The following GOLGA6D variants were observed in gnomAD, a reference collection of about 807,000 sequenced individuals.
GOLGA6D encodes golgin A6 family member D, also known as golgin subfamily A member 6D.
In GOLGA6D, 9 loss-of-function variants were observed where a neutral mutation model predicts 42.1. That is an observed-to-expected ratio of 0.21 (90% confidence interval 0.13 to 0.37). GOLGA6D has a LOEUF of 0.37. Ranked by LOEUF, GOLGA6D falls within the 10% of genes least tolerant of loss-of-function variation. The pLI, the probability that GOLGA6D is intolerant of heterozygous loss-of-function variation, is 1.00. For missense variants in GOLGA6D, 87 were observed against 420.8 expected (o/e 0.21, Z 6.94); for synonymous variants, 39 against 167.3 (o/e 0.23, Z 5.92).
At chr15:75,278,025 T>G (rs370196649), upstream of GOLGA6D, among the ~76,000 whole-genome samples, 1 of 117,854 alleles carries the variant, frequency 8.5e-6, no homozygotes, top group Non-Finnish European at 1.6e-5. Flanking sequence ...GGTCTGTCAC[T>G]TCCAAGCCCA....
At chr15:75,293,027 T>C in intron 13 of GOLGA6D, 46 bp from the exon 14 acceptor site, 1 of 1,384,490 alleles carries the variant, frequency 7.2e-7, no homozygotes. Context: ...CCACAGTACC[T>C]TCCTTGTTGG....
chr15:75,287,802 G>A (rs1334774704), intron 4 of GOLGA6D, 127 bp from the exon 5 acceptor site: 1 of 1,334,272 alleles, frequency 7.5e-7, no homozygotes, highest in East Asian at 2.3e-5. Context: ...CATCCCCACA[G>A]GGTCCCTGAT....
Position 75,288,748 on chromosome 15 carries a change from T to C in GOLGA6D, c.564+384T>C, listed in dbSNP as rs1205797687. 7.9e-5 allele frequency among the ~76,000 whole-genome samples: 11 copies of C among 138,560 alleles called. 2 individuals carry two copies. The highest frequency in any genetic ancestry group is 3.2e-4 in the African/African-American group (11 of 34,632). 90.9% of individuals were successfully genotyped at this position (138,560 alleles called of 152,430 possible). ...GTGTGTGTGTGTGTGTGTGTGTGTG[T>C]GTGTACTATGATAATATACAAAAAC... is the stretch of plus-strand genomic sequence containing the variant. On this transcript the variant is annotated intron_variant, in intron 7 of 17. Coordinates refer to ENST00000434739, the MANE Select transcript of GOLGA6D (RefSeq NM_001145224.3).
rs2070897494 is a variant in GOLGA6D, at chr15:75,294,700, T to G, written c.*225T>G. ...TTCTAATTTACCGTTTAAATTTATT[T>G]GTAAAAAGTTAAGGGAGAGTTGGTC... On this transcript the variant is annotated 3_prime_UTR_variant, in exon 18 of 18. Transcript: ENST00000434739. 2.2e-5 allele frequency: 14 copies of G among 648,406 alleles called. No individual in the cohort carries two copies. The highest frequency in any genetic ancestry group is 3.3e-5 in the Non-Finnish European group (14 of 427,538). 40.2% of individuals were successfully genotyped at this position (648,406 alleles called of 1,614,324 possible). A position where few individuals can be genotyped will look rare whatever the true frequency, so the allele number is the denominator to read the frequency against.
upstream of GOLGA6D, among the ~76,000 whole-genome samples, chr15:75,281,109 T>TAA (rs2141645181): frequency 1.6e-5 from 2 of 122,766 alleles, 1 homozygote; most frequent in Admixed American, 1.8e-4. Flanking sequence ...AGACACTTTT[T>TAA]AAAAAACTTG....
chr15:75,294,662 C>T lies in GOLGA6D; in HGVS notation c.*187C>T. The stretch of plus-strand genomic sequence containing the variant: ...TCCATTTGAATGCTAGAGCCACTCA[C>T]TTTTATTTGTGTTTCTAATTTACCG... On this transcript the variant is annotated 3_prime_UTR_variant, in exon 18 of 18. Transcript: ENST00000434739. 6.0e-6 allele frequency: 6 copies of T among 1,001,740 alleles called. No homozygotes were observed. The highest frequency in any genetic ancestry group is 8.2e-6 in the Non-Finnish European group (6 of 730,398). The allele number at this position is 1,001,740 out of a possible 1,614,324, so 62.1% of individuals were successfully genotyped here.
chr15:75,276,450 A>C, the GOLGA6D span, among the ~76,000 whole-genome samples: 1 of 145,940 alleles, frequency 6.9e-6, no homozygotes. Flanking sequence ...CCCCCTCCCT[A>C]AAGCCCACTG....
chr15:75,278,710 TGTCAATGGAG>T (rs1248528044), upstream of GOLGA6D, among the ~76,000 whole-genome samples: 68 of 151,880 alleles, frequency 4.5e-4, no homozygotes, highest in South Asian at 7.7e-3. Flanking sequence ...TGTTCAGCTT[TGTCAATGGAG>T]ACAGGATACT....
the GOLGA6D span, among the ~76,000 whole-genome samples, chr15:75,276,546 C>T: frequency 7.7e-6 from 1 of 130,494 alleles, no homozygotes. Context: ...GGCCAGGAGA[C>T]CAAAGCTTGA....
Position 75,294,395 on chromosome 15 carries a change from G to T in GOLGA6D, c.2002G>T (p.Val668Leu), listed in dbSNP as rs750932104. 3.1e-6 allele frequency: 5 copies of T among 1,599,096 alleles called. No individual in the cohort carries two copies. The East Asian group carries it at 1.1e-4, about 36-fold the overall frequency. The stretch of plus-strand genomic sequence containing the variant: ...CAACAACGTGGAGCCTGCACCAGGA[G>T]TGGCCAGGGAGGGTTCTCCCCATAA... ...LDNNVEPAPG[V>L]AREGSPHNNP... The change falls in exon 18 of 18, where the codon GTG becomes TTG. Residue 668 changes from valine (V) to leucine (L), a missense_variant. Physicochemically the swap from Val to Leu is conservative, Grantham distance 32. Coordinates refer to ENST00000434739, the MANE Select transcript of GOLGA6D (RefSeq NM_001145224.3).
Position 75,294,183 on chromosome 15 carries a change from G to C in GOLGA6D, c.1876G>C (p.Ala626Pro), listed in dbSNP as rs997044084. ...TGAGGGGCATGGCAAATTCCTCATC[G>C]CTGCCCAGAACCCTGCTGATGAGCC... is the stretch of plus-strand genomic sequence containing the variant. ...NHEGHGKFLI[A>P]AQNPADEPTP... The change falls in exon 17 of 18, where the codon GCT (alanine) becomes CCT (proline). Residue 626 changes from alanine to proline, a missense_variant. Transcript: ENST00000434739. 1.7e-6 allele frequency: 2 copies of C among 1,169,244 alleles called. No homozygotes were observed. The highest frequency in any genetic ancestry group is 2.3e-6 in the Non-Finnish European group (2 of 851,200). The allele number at this position is 1,169,244 out of a possible 1,614,324, so 72.4% of individuals were successfully genotyped here.
In GOLGA6D at chr15:75,295,507, A is replaced by T. The variant is rs1346690269; in HGVS notation, c.*1032A>T. The T allele has an allele frequency of 6.9e-6, 1 of 145,118 alleles. No individual in the cohort carries two copies. The highest frequency in any genetic ancestry group is 1.5e-5 in the Non-Finnish European group (1 of 67,056). The allele number at this position is 145,118 out of a possible 1,614,324, so 9.0% of individuals were successfully genotyped here. A position where few individuals can be genotyped will look rare whatever the true frequency, so the allele number is the denominator to read the frequency against. On this transcript the variant is annotated 3_prime_UTR_variant, in exon 18 of 18. Coordinates refer to ENST00000434739, the MANE Select transcript of GOLGA6D (RefSeq NM_001145224.3). ...ATCACATGAGTATATGTCCCAGTAC[A>T]CAAAAGGGCACTGGTTGGCATTCTT...
rs1213275217 is a variant in GOLGA6D, at chr15:75,295,514, G to T, written c.*1039G>T. The T allele has an allele frequency of 6.9e-6, 1 of 144,402 alleles. No individual in the cohort carries two copies. The highest frequency in any genetic ancestry group is 2.7e-5 in the African/African-American group (1 of 37,072). 8.9% of individuals were successfully genotyped at this position (144,402 alleles called of 1,614,324 possible). A position where few individuals can be genotyped will look rare whatever the true frequency, so the allele number is the denominator to read the frequency against. ...GAGTATATGTCCCAGTACACAAAAG[G>T]GCACTGGTTGGCATTCTTCTTAAGG... is the stretch of plus-strand genomic sequence containing the variant. On this transcript the variant is annotated 3_prime_UTR_variant, in exon 18 of 18. Coordinates refer to ENST00000434739, the MANE Select transcript of GOLGA6D (RefSeq NM_001145224.3).
chr15:75,277,861 A>G (rs530928244), upstream of GOLGA6D, among the ~76,000 whole-genome samples: 104 of 151,564 alleles, frequency 6.9e-4, no homozygotes, highest in Middle Eastern at 3.4e-3. Flanking sequence ...TTTCCATAAA[A>G]AAAGAAAAAG....
chr15:75,294,419 A>C lies in GOLGA6D; in HGVS notation c.2026A>C (p.Asn676His). The change falls in exon 18 of 18, where the codon AAC becomes CAC. Residue 676 changes from asparagine to histidine, a missense_variant. Physicochemically the swap from Asn to His is moderately conservative, Grantham distance 68 (BLOSUM62 1). Coordinates refer to ENST00000434739, the MANE Select transcript of GOLGA6D (RefSeq NM_001145224.3). Reference sequence around the variant, plus strand: ...AGTGGCCAGGGAGGGTTCTCCCCATAACAACCCCACTGTACAGCAGATCGT... The same window carrying C: ...AGTGGCCAGGGAGGGTTCTCCCCATCACAACCCCACTGTACAGCAGATCGT... The part of the protein sequence containing the change: ...PGVAREGSPH[N>H]NPTVQQIVQL... 6.3e-7 allele frequency: 1 copy of C among 1,581,078 alleles called. No individual in the cohort carries two copies. Among genetic ancestry groups the C allele is most frequent in the Non-Finnish European group, 8.6e-7 (1 of 1,161,060 alleles).
At chr15:75,278,598 G>A (rs1228929534), upstream of GOLGA6D, among the ~76,000 whole-genome samples, 1 of 151,470 alleles carries the variant, frequency 6.6e-6, no homozygotes, top group Admixed American at 6.6e-5. Context: ...AGACCCCAGG[G>A]GGCTTCCTGT....
At chr15:75,278,374 C>CT (rs1177131814), upstream of GOLGA6D, among the ~76,000 whole-genome samples, 1 of 144,448 alleles carries the variant, frequency 6.9e-6, no homozygotes, top group Admixed American at 6.9e-5. Context: ...TTTTAAAGCT[C>CT]TGTCCCTCTC....
the GOLGA6D span, among the ~76,000 whole-genome samples, chr15:75,277,816 G>T: frequency 6.9e-6 from 1 of 145,782 alleles, no homozygotes; most frequent in African/African-American, 2.7e-5. Flanking sequence ...AAAAAAAAAT[G>T]TCACTGTTTT....
upstream of GOLGA6D, among the ~76,000 whole-genome samples, chr15:75,277,879 CAG>C (rs1330873520): frequency 1.3e-5 from 2 of 149,742 alleles, no homozygotes; most frequent in East Asian, 2.0e-4. Context: ...AAGGTCGAGA[CAG>C]TGTGTATTAC....
Sources: gnomAD v4.1 joint callset for allele counts (sites outside exome capture counted in the v4.1 genomes callset) on GRCh38, gnomAD v4.1.1 for gene constraint, MANE v1.5 for transcripts, NCBI Gene and HGNC (gene_info 2026-07-23, HGNC 2026-07-21) for gene names.